The following TTLL7 variants were observed in gnomAD, a reference collection of about 807,000 sequenced individuals.
The protein encoded by TTLL7 is tubulin polyglutamylase TTLL7.
In TTLL7, 53 loss-of-function variants were observed where a neutral mutation model predicts 120.2. The observed-to-expected ratio is 0.44, with a 90% CI of 0.35 to 0.55. The LOEUF is 0.55. Among genes scored for constraint, TTLL7 ranks in the 20% least tolerant of loss-of-function variants. TTLL7 has a pLI of 0.00. For synonymous variants in TTLL7, 353 were observed against 351.7 expected (o/e 1.00, Z -0.04); for missense variants, 803 against 1,054.7 (o/e 0.76, Z 3.31).
chr1:83,945,087 T>C (rs1648356022), intron 6 of TTLL7, among the ~76,000 whole-genome samples: 1 of 152,042 alleles, frequency 6.6e-6, no homozygotes. Context: ...ATAGAGAAAT[T>C]GAGGAACAAA....
At chr1:83,914,219 T>C (rs1038188616) in intron 14 of TTLL7, among the ~76,000 whole-genome samples, 2 of 151,782 alleles carry the variant, frequency 1.3e-5, no homozygotes, top group Non-Finnish European at 1.5e-5. Flanking sequence ...ACTTGAGTCA[T>C]ACCAAACTTT....
At chr1:83,978,837 TTG>T (rs757060330) in intron 1 of TTLL7, among the ~76,000 whole-genome samples, 17 of 152,192 alleles carry the variant, frequency 1.1e-4, no homozygotes, top group Non-Finnish European at 2.4e-4. Flanking sequence ...ATCAAATTAG[TTG>T]CTTACAATTT....
intron 18 of TTLL7, chr1:83,900,256 G>C (rs1204837033): frequency 8.8e-6 from 3 of 341,642 alleles, no homozygotes; most frequent in African/African-American, 6.7e-5. Flanking sequence ...AATTAAAAGA[G>C]TCTAGAATGG....
In TTLL7 at chr1:83,883,155, A is replaced by T. The variant is rs1654661942; in HGVS notation, c.2370-19T>A. 7 of 1,560,372 alleles carry T rather than the reference A, an allele frequency of 4.5e-6. No individual in the cohort carries two copies. The highest frequency in any genetic ancestry group is 6.1e-6 in the Non-Finnish European group (7 of 1,152,562). On this transcript the variant is annotated intron_variant, in intron 19 of 20. Coordinates refer to ENST00000260505, the MANE Select transcript of TTLL7 (RefSeq NM_024686.6). The stretch of plus-strand genomic sequence containing the variant: ...AGAGGATCTGTTGGCATGGAAACAG[A>T]CATGATCTCATGTTGGCTGTTAAAA...
chr1:83,951,607 A>G (rs759190357), intron 3 of TTLL7, among the ~76,000 whole-genome samples: 11 of 152,210 alleles, frequency 7.2e-5, no homozygotes, highest in Non-Finnish European at 8.8e-5. Flanking sequence ...TAAGCTGTCT[A>G]ATCATATTAA....
intron 20 of TTLL7, among the ~76,000 whole-genome samples, chr1:83,880,660 A>G (rs1654365259): frequency 6.6e-6 from 1 of 151,984 alleles, no homozygotes; most frequent in African/African-American, 2.4e-5. Flanking sequence ...TAGTACTACA[A>G]CTTACAAATA....
chr1:83,889,646 T>C (rs1655277430), intron 19 of TTLL7, among the ~76,000 whole-genome samples: 1 of 152,030 alleles, frequency 6.6e-6, no homozygotes, highest in Non-Finnish European at 1.5e-5. Context: ...ACACAATAAG[T>C]AATATGGTTA....
At position 83,926,504 on chromosome 1, in the gene TTLL7, G is replaced by A. The variant is rs367843539; in HGVS notation, c.1142+2632C>T. Among the ~76,000 whole-genome samples, 6 of 152,250 alleles carry A rather than the reference G, an allele frequency of 3.9e-5. No homozygotes were observed. The East Asian group carries it at 9.7e-4, about 25-fold the overall frequency. On this transcript the variant is annotated intron_variant, in intron 10 of 20. Coordinates refer to ENST00000260505, the MANE Select transcript of TTLL7 (RefSeq NM_024686.6). ...AAAATGATGCCACAAAAGGGAGTAA[G>A]ACTGACACAGAAGAAAAGAGGGCTG...
intron 12 of TTLL7, among the ~76,000 whole-genome samples, chr1:83,920,353 C>T (rs1343276781): frequency 6.6e-6 from 1 of 151,958 alleles, no homozygotes; most frequent in Non-Finnish European, 1.5e-5. Context: ...AGTGTTTTTA[C>T]TTAGTGTGGT....
chr1:83,992,307 CA>C (rs1211696939), intron 1 of TTLL7, among the ~76,000 whole-genome samples: 2 of 151,428 alleles, frequency 1.3e-5, no homozygotes, highest in Admixed American at 6.6e-5. Flanking sequence ...TTATATTTTC[CA>C]AAAAAATAAT....
intron 1 of TTLL7, 95 bp from the exon 2 acceptor site, chr1:83,952,482 A>G (rs1415443553): frequency 2.9e-6 from 1 of 344,324 alleles, no homozygotes. Context: ...TCAAGGTGAA[A>G]GTTAATGTGT....
intron 20 of TTLL7, among the ~76,000 whole-genome samples, chr1:83,879,290 A>G (rs2100702914): frequency 6.6e-6 from 1 of 152,084 alleles, no homozygotes; most frequent in Middle Eastern, 3.4e-3. Context: ...TTAGGGAGAA[A>G]TGTTTACTTC....
At chr1:83,881,642 A>T (rs1654483174) in intron 20 of TTLL7, among the ~76,000 whole-genome samples, 1 of 151,410 alleles carries the variant, frequency 6.6e-6, no homozygotes, top group African/African-American at 2.4e-5. Flanking sequence ...TGTTGGTGGG[A>T]CTGTAAACTA....
chr1:83,963,681 CTT>C (rs938436905), intron 1 of TTLL7, among the ~76,000 whole-genome samples: 1 of 152,096 alleles, frequency 6.6e-6, no homozygotes, highest in Non-Finnish European at 1.5e-5. Flanking sequence ...TTTAAAGTGT[CTT>C]TTAATTTACA....
At chr1:83,909,617 C>T (rs1657512625) in intron 15 of TTLL7, among the ~76,000 whole-genome samples, 1 of 151,982 alleles carries the variant, frequency 6.6e-6, no homozygotes, top group Non-Finnish European at 1.5e-5. Context: ...ATAAAAAAGA[C>T]ATGTAATTAA....
chr1:83,897,839 C>A (rs184468106), intron 18 of TTLL7, among the ~76,000 whole-genome samples: 36 of 146,718 alleles, frequency 2.5e-4, no homozygotes, highest in African/African-American at 8.0e-4. Context: ...TCTCTCTCCC[C>A]ATTATCTTCC....
intron 19 of TTLL7, among the ~76,000 whole-genome samples, chr1:83,883,474 C>A (rs963052204): frequency 6.6e-6 from 1 of 151,784 alleles, no homozygotes; most frequent in Non-Finnish European, 1.5e-5. Context: ...ACTACAGCCT[C>A]GAACTCCTGG....
At chr1:83,952,152 C>T in intron 2 of TTLL7, 35 bp downstream of exon 2, 2 of 1,597,018 alleles carry the variant, frequency 1.3e-6, no homozygotes, top group Non-Finnish European at 1.7e-6. Flanking sequence ...ATAACACCTC[C>T]ATATTTTGTA....
At chr1:83,950,027 T>A (rs760534073) in intron 3 of TTLL7, 41 bp from the exon 4 acceptor site, 2 of 1,527,750 alleles carry the variant, frequency 1.3e-6, no homozygotes, top group East Asian at 4.5e-5. Flanking sequence ...TTAAAATACT[T>A]CTGAAATATA....
Sources: allele counts gnomAD v4.1 joint callset (sites outside exome capture counted in the v4.1 genomes callset), GRCh38; gene constraint gnomAD v4.1.1; transcripts MANE v1.5; gene names NCBI Gene and HGNC (gene_info 2026-07-23, HGNC 2026-07-21).